Variants in MYRIP observed in about 807,000 individuals in gnomAD.
The protein encoded by MYRIP is rab effector MyRIP.
Under a neutral mutation model 98.0 loss-of-function variants are expected in MYRIP, and 49 were observed. That is an observed-to-expected ratio of 0.50 (90% confidence interval 0.40 to 0.63). The LOEUF is 0.63. Ranked by LOEUF, MYRIP falls within the 30% of genes least tolerant of loss-of-function variation. The pLI is 0.00. For missense variants in MYRIP, 1,004 were observed against 1,058.2 expected (o/e 0.95, Z 0.71); for synonymous variants, 404 against 409.5 (o/e 0.99, Z 0.16).
At chr3:40,103,049 A>G (rs1203180737) in intron 3 of MYRIP, among the ~76,000 whole-genome samples, 1 of 151,804 alleles carries the variant, frequency 6.6e-6, no homozygotes, top group Admixed American at 6.6e-5. Flanking sequence ...ACATCCAGAC[A>G]CCTGCAGTAT....
intron 3 of MYRIP, among the ~76,000 whole-genome samples, chr3:40,113,814 C>T (rs772325108): frequency 1.6e-4 from 24 of 152,002 alleles, no homozygotes; most frequent in Non-Finnish European, 2.2e-4. Context: ...CTCAGCCTCC[C>T]GAGTAGCTGG....
chr3:40,119,390 A>G (rs1319427290), intron 3 of MYRIP, among the ~76,000 whole-genome samples: 1 of 152,230 alleles, frequency 6.6e-6, no homozygotes, highest in Admixed American at 6.5e-5. Flanking sequence ...GAGCAAATAG[A>G]GAAGTATGTA....
At chr3:39,841,911 C>T (rs2125595361) in intron 1 of MYRIP, among the ~76,000 whole-genome samples, 1 of 152,312 alleles carries the variant, frequency 6.6e-6, no homozygotes, top group South Asian at 2.1e-4. Context: ...TGGGAGGTGT[C>T]TCCCAGTCAG....
At chr3:39,836,313 T>C (rs566789022) in intron 1 of MYRIP, among the ~76,000 whole-genome samples, 1 of 152,310 alleles carries the variant, frequency 6.6e-6, no homozygotes, top group South Asian at 2.1e-4. Flanking sequence ...TATCTCATGG[T>C]AGTTTTTATT....
intron 3 of MYRIP, among the ~76,000 whole-genome samples, chr3:40,058,989 T>G (rs1483442821): frequency 2.7e-5 from 4 of 147,912 alleles, no homozygotes; most frequent in African/African-American, 9.9e-5. Flanking sequence ...TGTGTCCATG[T>G]GTTCTCATTG....
At position 39,964,093 on chromosome 3, in the gene MYRIP, C is replaced by T. The variant is rs111251035; in HGVS notation, c.110+63167C>T. Among the ~76,000 whole-genome samples the T allele has an allele frequency of 7.6e-3, 1,161 of 152,112 alleles. 11 individuals are homozygous for T. The highest frequency in any genetic ancestry group is 0.027 in the African/African-American group (1,113 of 41,506). On this transcript the variant is annotated intron_variant, in intron 2 of 16. Coordinates refer to ENST00000302541, the MANE Select transcript of MYRIP (RefSeq NM_015460.4). ...ATTCCTTTCTTATTTTAGTGCCTGA[C>T]AGTTCACCCAAGAATGTCACCTGAT...
intron 3 of MYRIP, among the ~76,000 whole-genome samples, chr3:40,047,899 A>G (rs1947704283): frequency 6.6e-6 from 1 of 152,204 alleles, no homozygotes; most frequent in Non-Finnish European, 1.5e-5. Flanking sequence ...TAACCCATCA[A>G]CATTACACAA....
At chr3:39,990,645 G>C (rs1372960127) in intron 2 of MYRIP, among the ~76,000 whole-genome samples, 2 of 152,168 alleles carry the variant, frequency 1.3e-5, no homozygotes, top group Non-Finnish European at 2.9e-5. Flanking sequence ...AAATCCTATT[G>C]AAAGCTTTTC....
At chr3:39,902,826 A>G (rs1943776410) in intron 2 of MYRIP, among the ~76,000 whole-genome samples, 1 of 152,206 alleles carries the variant, frequency 6.6e-6, no homozygotes, top group Non-Finnish European at 1.5e-5. Context: ...GGAAAATTTT[A>G]AAGAAAGAGC....
chr3:39,848,747 G>C (rs1942044715), intron 1 of MYRIP, among the ~76,000 whole-genome samples: 1 of 152,202 alleles, frequency 6.6e-6, no homozygotes, highest in African/African-American at 2.4e-5. Context: ...TTGATTAATA[G>C]ATACTTTTCC....
chr3:39,872,684 T>A (rs1942840686), intron 1 of MYRIP, among the ~76,000 whole-genome samples: 1 of 152,102 alleles, frequency 6.6e-6, no homozygotes, highest in Non-Finnish European at 1.5e-5. Context: ...TTTTTATGGC[T>A]GCATAGTATT....
Position 40,166,918 on chromosome 3 carries a change from A to G in MYRIP, c.623A>G (p.Lys208Arg). The G allele has an allele frequency of 6.2e-7, 1 of 1,613,974 alleles. No homozygotes were observed. The highest frequency in any genetic ancestry group is 8.5e-7 in the Non-Finnish European group (1 of 1,179,942). The stretch of plus-strand genomic sequence containing the variant: ...GAGGCCATTGAGGAAGCAATTTCCA[A>G]AGCAGAGGCATATGGGGACAGCCTG... ...AEEAIEEAIS[K>R]AEAYGDSLDK... Residue 208 changes from lysine (K) to arginine (R), a missense_variant, in exon 6 of 17, where the codon AAA (lysine) becomes AGA (arginine). Physicochemically the swap from Lys to Arg is conservative, Grantham distance 26. Around this residue, in one of 3 missense-constraint regions of MYRIP, gnomAD observed 880 missense variants for 907.7 expected, o/e 0.97. Transcript: ENST00000302541.
intron 3 of MYRIP, chr3:40,100,353 C>A (rs1454497811): frequency 5.7e-6 from 5 of 882,882 alleles, no homozygotes; most frequent in Admixed American, 6.2e-5. Flanking sequence ...TGATTGTTTT[C>A]ATTGATGTTT....
At chr3:40,153,851 C>T (rs551487608) in intron 4 of MYRIP, among the ~76,000 whole-genome samples, 77 of 152,258 alleles carry the variant, frequency 5.1e-4, no homozygotes, top group Non-Finnish European at 1.0e-3. Context: ...CATAAAAACA[C>T]TCAATTCAGG....
intron 3 of MYRIP, among the ~76,000 whole-genome samples, chr3:40,113,974 C>G (rs1575547969): frequency 6.6e-6 from 1 of 152,190 alleles, no homozygotes; most frequent in Admixed American, 6.5e-5. Flanking sequence ...CAGGCATGAA[C>G]CACCGCACTC....
intron 3 of MYRIP, among the ~76,000 whole-genome samples, chr3:40,058,436 AT>A (rs1174402125): frequency 6.6e-6 from 1 of 152,168 alleles, no homozygotes; most frequent in East Asian, 1.9e-4. Flanking sequence ...TAGGCATTTC[AT>A]TTTTTTCTGC....
At chr3:39,995,489 A>C (rs905474058) in intron 2 of MYRIP, among the ~76,000 whole-genome samples, 6 of 152,210 alleles carry the variant, frequency 3.9e-5, no homozygotes, top group Admixed American at 6.5e-5. Flanking sequence ...TTTAGAGAAA[A>C]AAGAATAAAA....
chr3:39,834,872 A>C (rs944685132), intron 1 of MYRIP, among the ~76,000 whole-genome samples: 1 of 152,168 alleles, frequency 6.6e-6, no homozygotes, highest in Non-Finnish European at 1.5e-5. Flanking sequence ...AATATATCAC[A>C]ATAAGGAAAA....
rs1201398097 is a variant in MYRIP, at chr3:40,233,884, A to G, written c.1931A>G (p.Asn644Ser). 1 of 1,613,346 alleles carries G rather than the reference A, an allele frequency of 6.2e-7. No individual in the cohort carries two copies. ...AAGTTTTCTGCTGTTTCTCTCTGCA[A>G]CATCTCCACAGAAGTCCTGAAAGTC... is the stretch of plus-strand genomic sequence containing the variant. ...KKKFSAVSLC[N>S]ISTEVLKVIN... Residue 644 changes from asparagine to serine, a missense_variant, in exon 12 of 17, where the codon AAC (asparagine) becomes AGC (serine). Physicochemically the swap from Asn to Ser is conservative, Grantham distance 46 (BLOSUM62 1). This residue lies in a region of MYRIP where 880 missense variants were observed against 907.7 expected (regional missense o/e 0.97). Coordinates refer to ENST00000302541, the MANE Select transcript of MYRIP (RefSeq NM_015460.4).
Sources: allele counts gnomAD v4.1 joint callset (sites outside exome capture counted in the v4.1 genomes callset), GRCh38; gene constraint gnomAD v4.1.1; regional missense constraint gnomAD v4.1.1; transcripts MANE v1.5; gene names NCBI Gene and HGNC (gene_info 2026-07-23, HGNC 2026-07-21).